The following CTNNA3 variants were observed in gnomAD, a reference collection of about 807,000 sequenced individuals.
CTNNA3 encodes catenin alpha-3.
In CTNNA3, 76 loss-of-function variants were observed where a neutral mutation model predicts 95.7. The observed-to-expected ratio is 0.79, with a 90% CI of 0.66 to 0.96. The LOEUF (loss-of-function observed/expected upper bound fraction) is 0.96, where lower values mean the gene tolerates loss of function less well. Among genes scored for constraint, CTNNA3 ranks in the 40% least tolerant of loss-of-function variants. The pLI, the probability that CTNNA3 is intolerant of heterozygous loss-of-function variation, is 0.00. For synonymous variants in CTNNA3, 431 were observed against 374.4 expected, an observed-to-expected ratio of 1.15 and a Z score of -1.74; for missense variants, 1,191 against 1,089.8, an observed-to-expected ratio of 1.09 and a Z score of -1.31.
intron 9 of CTNNA3, among the ~76,000 whole-genome samples, chr10:66,749,049 G>C (rs1375983912): frequency 6.6e-6 from 1 of 150,944 alleles, no homozygotes; most frequent in Non-Finnish European, 1.5e-5. Context: ...CATGTTGGCA[G>C]GTAGTCACCA....
intron 1 of CTNNA3, among the ~76,000 whole-genome samples, chr10:67,712,619 T>G (rs1203252608): frequency 6.6e-6 from 1 of 152,312 alleles, no homozygotes; most frequent in South Asian, 2.1e-4. Flanking sequence ...CACATGGTGT[T>G]GAGCCTGCAA....
chr10:66,108,082 G>T (rs1337713481), intron 13 of CTNNA3, among the ~76,000 whole-genome samples: 1 of 151,988 alleles, frequency 6.6e-6, no homozygotes, highest in Non-Finnish European at 1.5e-5. Context: ...AACGTCACAT[G>T]TTCAATGATT....
chr10:66,826,525 CATTT>C (rs1036410248), intron 7 of CTNNA3, among the ~76,000 whole-genome samples: 58 of 152,224 alleles, frequency 3.8e-4, no homozygotes, highest in African/African-American at 1.4e-3. Flanking sequence ...TTTATTTACA[CATTT>C]ATTTATTATA....
intron 10 of CTNNA3, among the ~76,000 whole-genome samples, chr10:66,527,716 T>C (rs1024680675): frequency 2.0e-5 from 3 of 152,156 alleles, no homozygotes; most frequent in Non-Finnish European, 2.9e-5. Context: ...GTGAAATTGT[T>C]TTCTCAATTC....
At chr10:66,993,487 G>A (rs749745972) in intron 7 of CTNNA3, among the ~76,000 whole-genome samples, 36 of 151,996 alleles carry the variant, frequency 2.4e-4, no homozygotes, top group Non-Finnish European at 4.9e-4. Context: ...TTGCATTCTG[G>A]CAGGACAAGC....
chr10:67,227,624 A>G (rs968041018), intron 5 of CTNNA3, among the ~76,000 whole-genome samples: 1 of 152,240 alleles, frequency 6.6e-6, no homozygotes, highest in African/African-American at 2.4e-5. Context: ...TACTGACAGC[A>G]CTAGACAAGT....
At chr10:66,862,857 A>G (rs1843994980) in intron 7 of CTNNA3, among the ~76,000 whole-genome samples, 1 of 152,168 alleles carries the variant, frequency 6.6e-6, no homozygotes, top group South Asian at 2.1e-4. Flanking sequence ...GACTTCCCTA[A>G]GGTGGGTGGG....
chr10:66,812,640 A>G (rs1485400459), intron 7 of CTNNA3, among the ~76,000 whole-genome samples: 1 of 152,164 alleles, frequency 6.6e-6, no homozygotes, highest in East Asian at 1.9e-4. Context: ...GTACATAAAA[A>G]GTGCTTAGAA....
At chr10:67,371,234 T>TA (rs1843442014) in intron 5 of CTNNA3, among the ~76,000 whole-genome samples, 4 of 151,034 alleles carry the variant, frequency 2.6e-5, no homozygotes, top group African/African-American at 9.7e-5. Context: ...ATATACATAT[T>TA]TTTTTTCTAT....
chr10:67,051,112 A>G (rs1855063187), intron 7 of CTNNA3, among the ~76,000 whole-genome samples: 1 of 152,246 alleles, frequency 6.6e-6, no homozygotes, highest in Non-Finnish European at 1.5e-5. Context: ...AGACAGAGAT[A>G]CAAGCAATGC....
intron 3 of CTNNA3, among the ~76,000 whole-genome samples, chr10:67,588,579 T>G (rs550592896): frequency 6.6e-6 from 1 of 152,052 alleles, no homozygotes; most frequent in Admixed American, 6.6e-5. Context: ...GCTTTAGTGG[T>G]AGTAGTGGTG....
At chr10:67,534,402 G>C (rs1840428055) in intron 4 of CTNNA3, among the ~76,000 whole-genome samples, 1 of 152,094 alleles carries the variant, frequency 6.6e-6, no homozygotes, top group African/African-American at 2.4e-5. Flanking sequence ...GGGGCCAAGT[G>C]GAGTGCTAGA....
At chr10:66,075,863 A>G (rs548157929) in intron 14 of CTNNA3, among the ~76,000 whole-genome samples, 17 of 151,690 alleles carry the variant, frequency 1.1e-4, no homozygotes, top group Middle Eastern at 3.4e-3. Context: ...TTCCTTAACT[A>G]TAACTTTTTT....
chr10:67,205,612 A>G (rs1475226333), intron 6 of CTNNA3, among the ~76,000 whole-genome samples: 1 of 152,192 alleles, frequency 6.6e-6, no homozygotes, highest in Non-Finnish European at 1.5e-5. Context: ...AACAGAGTGA[A>G]GTGTGGATTC....
At chr10:67,223,159 T>C (rs1230126348) in intron 5 of CTNNA3, among the ~76,000 whole-genome samples, 1 of 152,072 alleles carries the variant, frequency 6.6e-6, no homozygotes, top group Admixed American at 6.5e-5. Context: ...GTGGCAGAGT[T>C]TATGTAAGGA....
At chr10:66,888,734 A>T (rs1055613163) in intron 7 of CTNNA3, among the ~76,000 whole-genome samples, 4 of 152,198 alleles carry the variant, frequency 2.6e-5, no homozygotes, top group Non-Finnish European at 5.9e-5. Flanking sequence ...GCTGGCAAGG[A>T]TATGAAACAA....
chr10:66,258,734 G>A (rs1190067793), intron 13 of CTNNA3, among the ~76,000 whole-genome samples: 1 of 152,022 alleles, frequency 6.6e-6, no homozygotes, highest in Admixed American at 6.6e-5. Context: ...CAGCTTAAGA[G>A]CCTTAGCAGT....
chr10:66,184,217 T>C (rs183804026), intron 13 of CTNNA3, among the ~76,000 whole-genome samples: 6 of 152,240 alleles, frequency 3.9e-5, no homozygotes, highest in Admixed American at 1.3e-4. Flanking sequence ...GAAAATCACT[T>C]GAACCTGGGA....
chr10:66,585,527 C>G (rs1843332436), intron 10 of CTNNA3, among the ~76,000 whole-genome samples: 2 of 151,876 alleles, frequency 1.3e-5, no homozygotes, highest in Admixed American at 6.6e-5. Context: ...AATGTGTAGT[C>G]TTTCATAGAA....
Sources: allele counts gnomAD v4.1 joint callset (sites outside exome capture counted in the v4.1 genomes callset), GRCh38; gene constraint gnomAD v4.1.1; transcripts MANE v1.5; gene names NCBI Gene and HGNC (gene_info 2026-07-23, HGNC 2026-07-21).